The following DNAJA4 variants were observed in gnomAD, a reference collection of about 807,000 sequenced individuals.
The protein encoded by DNAJA4 is dnaJ homolog subfamily A member 4.
DNAJA4 carries 32 observed loss-of-function variants against 39.7 expected under a neutral mutation model. The observed-to-expected ratio is 0.81, with a 90% CI of 0.61 to 1.08. The LOEUF (loss-of-function observed/expected upper bound fraction) is 1.08, where lower values mean the gene tolerates loss of function less well. Ranked by LOEUF, DNAJA4 falls within the 50% of genes least tolerant of loss-of-function variation. DNAJA4 has a pLI of 0.00. For missense variants in DNAJA4, 439 were observed against 505.1 expected (o/e 0.87, Z 1.25); for synonymous variants, 184 against 182.4 (o/e 1.01, Z -0.07).
chr15:78,268,876 GAT>G (rs1249498023), intron 1 of DNAJA4, among the ~76,000 whole-genome samples: 1 of 152,202 alleles, frequency 6.6e-6, no homozygotes, highest in Non-Finnish European at 1.5e-5. Flanking sequence ...GGTGGTTCAT[GAT>G]ATGGAGAAAT....
upstream of DNAJA4, chr15:78,264,187 C>T: frequency 1.6e-6 from 1 of 621,596 alleles, no homozygotes. Context: ...CACAGCCCTC[C>T]AGGCCGCCTA....
At position 78,280,245 on chromosome 15, in the gene DNAJA4, G is replaced by T; in HGVS notation, c.979G>T (p.Val327Leu). The T allele has an allele frequency of 6.2e-7, 1 of 1,613,960 alleles. No homozygotes were observed. Among genetic ancestry groups the T allele is most frequent in the Non-Finnish European group, 8.5e-7 (1 of 1,179,830 alleles). Residue 327 changes from valine (V) to leucine (L), a missense_variant and splice_region_variant, in exon 7 of 7, where the codon GTA becomes TTA. Val to Leu is a conservative substitution (Grantham distance 32). Transcript: ENST00000394852. Reference protein sequence around the residue: ...EKGILIIQFLVIFPEKHWLSL... With the variant: ...EKGILIIQFLLIFPEKHWLSL... Reference sequence around the variant, plus strand: ...TTCTTTCCCACCTCACCCTTTACAGGTAATCTTTCCTGAAAAACACTGGCT... The same window carrying T: ...TTCTTTCCCACCTCACCCTTTACAGTTAATCTTTCCTGAAAAACACTGGCT...
At chr15:78,275,344 C>T (rs910882154) in intron 4 of DNAJA4, 154 bp from the exon 5 acceptor site, 14 of 625,234 alleles carry the variant, frequency 2.2e-5, no homozygotes, top group Non-Finnish European at 3.9e-5. Context: ...TGTCATTGGC[C>T]ATCCTAGCCA....
intron 1 of DNAJA4, chr15:78,265,668 A>G: frequency 1.4e-6 from 1 of 702,308 alleles, no homozygotes; most frequent in Non-Finnish European, 2.6e-6. Flanking sequence ...GAGGCTCATG[A>G]CCCACCTGAA....
rs535195018 is a variant in DNAJA4 at position 78,280,083 on chromosome 15, G to A, written c.916G>A (p.Asp306Asn). The change falls in exon 6 of 7, where the codon GAT (aspartate) becomes AAT (asparagine). Residue 306 changes from aspartate to asparagine, a missense_variant. Asp to Asn is a conservative substitution (Grantham distance 23). Transcript: ENST00000394852. ...IKHGDLRCVR[D>N]EGMPIYKAPL... Reference sequence around the variant, plus strand: ...GCACGGGGACCTGAGATGCGTGCGCGATGAAGGAATGCCCATCTACAAAGC... The same window carrying A: ...GCACGGGGACCTGAGATGCGTGCGCAATGAAGGAATGCCCATCTACAAAGC... 1.8e-5 allele frequency: 29 copies of A among 1,614,224 alleles called. No individual in the cohort carries two copies. Among genetic ancestry groups the A allele is most frequent in the East Asian group, 6.7e-5 (3 of 44,888 alleles).
intron 1 of DNAJA4, chr15:78,266,189 T>C (rs2049117962): frequency 2.5e-6 from 4 of 1,608,696 alleles, no homozygotes; most frequent in Non-Finnish European, 2.6e-6. Flanking sequence ...ACAGTCTCCT[T>C]TAAGGAGAGC....
rs756515235 is a variant in DNAJA4 at position 78,264,814 on chromosome 15, G to T, written c.51G>T (p.Ala17=). The T allele has an allele frequency of 3.1e-6, 5 of 1,610,598 alleles. No homozygotes were observed. Among genetic ancestry groups the T allele is most frequent in the Non-Finnish European group, 4.2e-6 (5 of 1,178,384 alleles). The change falls in exon 1 of 7, where the codon GCG becomes GCT. Residue 17 remains alanine (A), a synonymous_variant. Coordinates refer to ENST00000394852, the MANE Select transcript of DNAJA4 (RefSeq NM_001130182.2). ...ACATCCTGGGCGTGAAGCCCAGCGC[G>T]TCCCCGGAGGAGATCAAGAAGGCCT... ...YYDILGVKPS[A]SPEEIKKAYR...
rs537221973 is a variant in DNAJA4 at position 78,272,217 on chromosome 15, G to A, written c.314-878G>A. Among the ~76,000 whole-genome samples the A allele has an allele frequency of 5.8e-4, 88 of 152,230 alleles. 1 individual carries two copies. Among genetic ancestry groups the A allele is most frequent in the African/African-American group, 2.0e-3 (84 of 41,554 alleles). ...GTGGGCGCGGTGGCAGGCGCCTGTA[G>A]TCCCAGCTACTCGGGAGGCTGAGGC... On this transcript the variant is annotated intron_variant, in intron 2 of 6. Coordinates refer to ENST00000394852, the MANE Select transcript of DNAJA4 (RefSeq NM_001130182.2).
At chr15:78,271,026 G>A (rs2049280132) in intron 2 of DNAJA4, among the ~76,000 whole-genome samples, 1 of 151,656 alleles carries the variant, frequency 6.6e-6, no homozygotes, top group Admixed American at 6.6e-5. Context: ...TCTCCAGCCT[G>A]CACGGCAGGG....
chr15:78,267,685 A>G (rs1443852092), intron 1 of DNAJA4, among the ~76,000 whole-genome samples: 2 of 152,210 alleles, frequency 1.3e-5, no homozygotes, highest in Non-Finnish European at 2.9e-5. Context: ...AGAAAATTTT[A>G]GAACACAGAG....
At chr15:78,272,132 C>T (rs945178505) in intron 2 of DNAJA4, among the ~76,000 whole-genome samples, 6 of 152,034 alleles carry the variant, frequency 3.9e-5, no homozygotes, top group South Asian at 2.1e-4. Flanking sequence ...GTCAGGAGAT[C>T]GAGACCATCC....
At chr15:78,273,559 C>T (rs1420286771) in intron 3 of DNAJA4, among the ~76,000 whole-genome samples, 1 of 152,134 alleles carries the variant, frequency 6.6e-6, no homozygotes, top group Non-Finnish European at 1.5e-5. Flanking sequence ...GGTTGGCAGA[C>T]TTTTTCTGTA....
At chr15:78,271,281 T>C (rs2049287376) in intron 2 of DNAJA4, among the ~76,000 whole-genome samples, 1 of 152,022 alleles carries the variant, frequency 6.6e-6, no homozygotes, top group Non-Finnish European at 1.5e-5. Flanking sequence ...GTTGTTGGGG[T>C]CAGGCACCAG....
At chr15:78,278,631 G>A (rs2049548484) in intron 5 of DNAJA4, among the ~76,000 whole-genome samples, 1 of 152,108 alleles carries the variant, frequency 6.6e-6, no homozygotes, top group East Asian at 1.9e-4. Flanking sequence ...TTGACTGAAA[G>A]GTCACTATGC....
In DNAJA4 at chr15:78,265,852, A is replaced by G. The variant is rs2049107798; in HGVS notation, c.132+957A>G. The G allele has an allele frequency of 4.9e-6, 3 of 606,936 alleles. No homozygotes were observed. In the African/African-American group the frequency reaches 5.6e-5, roughly 11 times the overall value. The allele number at this position is 606,936 out of a possible 1,614,324, so 37.6% of individuals were successfully genotyped here. A position where few individuals can be genotyped will look rare whatever the true frequency, so the allele number is the denominator to read the frequency against. On this transcript the variant is annotated intron_variant, in intron 1 of 6. Transcript: ENST00000394852. The stretch of plus-strand genomic sequence containing the variant: ...CTTGGGCCACGTTTGAAACCACACC[A>G]ATCACCCATGTAGCATTTAAGACCT...
intron 4 of DNAJA4, 178 bp from the exon 5 acceptor site, chr15:78,275,320 A>C: frequency 1.7e-6 from 1 of 587,816 alleles, no homozygotes. Context: ...TGCCAAGGGA[A>C]GCGGGACCTC....
At position 78,264,598 on chromosome 15, in the gene DNAJA4, C is replaced by CGGGGCGGGGGGCGG. The variant is rs1225285487; in HGVS notation, c.-164_-151dup. On this transcript the variant is annotated 5_prime_UTR_variant, in exon 1 of 7. Transcript: ENST00000394852. ...GCCAGGCGTGGAAGTCGGTCCGGCG[C>CGGGGCGGGGGGCGG]GGGGCGGGGGGCGGGCGGGAGCTAC... 8.8e-7 allele frequency: 1 copy of CGGGGCGGGGGGCGG among 1,135,004 alleles called. No individual in the cohort carries two copies. Among genetic ancestry groups the CGGGGCGGGGGGCGG allele is most frequent in the Non-Finnish European group, 1.1e-6 (1 of 927,366 alleles). 70.3% of individuals were successfully genotyped at this position (1,135,004 alleles called of 1,614,324 possible). A position where few individuals can be genotyped will look rare whatever the true frequency, so the allele number is the denominator to read the frequency against.
At chr15:78,275,356 C>A (rs1159826934) in intron 4 of DNAJA4, 142 bp from the exon 5 acceptor site, 3 of 661,336 alleles carry the variant, frequency 4.5e-6, no homozygotes, top group East Asian at 2.7e-5. Flanking sequence ...TCCTAGCCAC[C>A]CCTCCCTGCC....
At chr15:78,271,705 C>T (rs2049303882) in intron 2 of DNAJA4, among the ~76,000 whole-genome samples, 2 of 152,204 alleles carry the variant, frequency 1.3e-5, no homozygotes, top group African/African-American at 2.4e-5. Context: ...TGCCAGGCTA[C>T]GGGCTGTCAC....
Sources: gnomAD v4.1 joint callset for allele counts (sites outside exome capture counted in the v4.1 genomes callset) on GRCh38, gnomAD v4.1.1 for gene constraint, MANE v1.5 for transcripts, NCBI Gene and HGNC (gene_info 2026-07-23, HGNC 2026-07-21) for gene names.